CLDN14: variants seen among roughly 807,000 people sequenced by gnomAD.
CLDN14 encodes the protein claudin-14.
In CLDN14, 2 loss-of-function variants were observed where a neutral mutation model predicts 2.1. The ratio of observed to expected loss-of-function variants is 0.96; its 90% confidence interval spans 0.39 to 3.01. The LOEUF is 3.01. Among genes scored for constraint, CLDN14 ranks in the 30% most tolerant of loss-of-function variants. The probability of loss-of-function intolerance (pLI) is 0.09; values close to 1 mark genes in which losing one functional copy is unlikely to be tolerated. For missense variants in CLDN14, 298 were observed against 328.0 expected (o/e 0.91, Z 0.71); for synonymous variants, 136 against 154.4 (o/e 0.88, Z 0.88).
intron 1 of CLDN14, among the ~76,000 whole-genome samples, chr21:36,516,142 C>G (rs894391418): frequency 1.2e-3 from 183 of 152,056 alleles, no homozygotes; most frequent in African/African-American, 4.0e-3. Context: ...AGCATTTTCA[C>G]CAGGGAGTTT....
Position 36,473,198 on chromosome 21 carries a change from C to G in CLDN14, c.-82+6297G>C, listed in dbSNP as rs529797944. On this transcript the variant is annotated intron_variant, in intron 1 of 1. Coordinates refer to ENST00000399135, the MANE Select transcript of CLDN14 (RefSeq NM_001146079.2). The stretch of plus-strand genomic sequence containing the variant: ...TCTCAGGCTCAAGTGATCCTCCCAC[C>G]TCAGCTTCCTGAGTAGCTGGGACTA... Among the ~76,000 whole-genome samples, 40 of 152,268 alleles carry G rather than the reference C, an allele frequency of 2.6e-4. 1 individual carries two copies. In the South Asian group the frequency reaches 8.1e-3, roughly 31 times the overall value.
At chr21:36,465,311 G>A (rs1251823093) in intron 1 of CLDN14, among the ~76,000 whole-genome samples, 3 of 152,246 alleles carry the variant, frequency 2.0e-5, no homozygotes, top group Non-Finnish European at 4.4e-5. Flanking sequence ...ATTAGGCTAG[G>A]CAAGTGGACC....
At chr21:36,469,033 T>C (rs1407680879) in intron 1 of CLDN14, among the ~76,000 whole-genome samples, 1 of 152,206 alleles carries the variant, frequency 6.6e-6, no homozygotes, top group Non-Finnish European at 1.5e-5. Flanking sequence ...GTGCTAGGAT[T>C]ACAGGTGTGA....
At chr21:36,500,816 C>T (rs796891283) in intron 2 of CLDN14, among the ~76,000 whole-genome samples, 40 of 152,276 alleles carry the variant, frequency 2.6e-4, no homozygotes, top group African/African-American at 5.1e-4. Context: ...AGGAAGTTGC[C>T]GATTCTTTCT....
chr21:36,549,296 T>TCC (rs567732931), intron 1 of CLDN14, among the ~76,000 whole-genome samples: 82 of 151,862 alleles, frequency 5.4e-4, no homozygotes, highest in African/African-American at 1.9e-3. Context: ...TCTCTCTCTC[T>TCC]CCTCCCCACC....
At chr21:36,520,904 G>A (rs1365183560) in intron 1 of CLDN14, among the ~76,000 whole-genome samples, 1 of 152,042 alleles carries the variant, frequency 6.6e-6, no homozygotes. Flanking sequence ...CGCTCCCCAT[G>A]GACTGGGCTC....
chr21:36,494,213 C>T (rs1039811020), intron 2 of CLDN14, among the ~76,000 whole-genome samples: 3 of 152,206 alleles, frequency 2.0e-5, no homozygotes, highest in East Asian at 1.9e-4. Flanking sequence ...GCACACTGGT[C>T]GCCATGTAGG....
intron 1 of CLDN14, among the ~76,000 whole-genome samples, chr21:36,534,748 C>G (rs2087410879): frequency 1.3e-5 from 2 of 152,212 alleles, no homozygotes. Flanking sequence ...CCACCCAGCT[C>G]TGGGTTCAAT....
intron 1 of CLDN14, among the ~76,000 whole-genome samples, chr21:36,464,093 C>T (rs1005475916): frequency 1.3e-5 from 2 of 152,110 alleles, no homozygotes; most frequent in African/African-American, 4.8e-5. Context: ...GGGTGGACCT[C>T]CCCCTTGCTC....
At chr21:36,462,875 G>A (rs141254132) in intron 1 of CLDN14, among the ~76,000 whole-genome samples, 1 of 117,466 alleles carries the variant, frequency 8.5e-6, no homozygotes. Context: ...CCGAGATCGC[G>A]CCACTGCACT....
chr21:36,567,925 C>T (rs542887034), intron 1 of CLDN14, among the ~76,000 whole-genome samples: 1 of 152,184 alleles, frequency 6.6e-6, no homozygotes, highest in Non-Finnish European at 1.5e-5. Context: ...GACGTTTAAC[C>T]TACTATATGA....
At chr21:36,525,405 T>C (rs959577597) in intron 1 of CLDN14, among the ~76,000 whole-genome samples, 1 of 145,420 alleles carries the variant, frequency 6.9e-6, no homozygotes, top group Non-Finnish European at 1.5e-5. Context: ...AAAAAAGAAA[T>C]AAAGACTTGA....
At chr21:36,553,241 T>A (rs1211203159) in intron 1 of CLDN14, among the ~76,000 whole-genome samples, 1 of 152,194 alleles carries the variant, frequency 6.6e-6, no homozygotes, top group East Asian at 1.9e-4. Context: ...TCTGCTATAG[T>A]CTTACCTCTG....
At chr21:36,464,443 C>A (rs909548022) in intron 1 of CLDN14, among the ~76,000 whole-genome samples, 12 of 152,346 alleles carry the variant, frequency 7.9e-5, no homozygotes, top group African/African-American at 2.9e-4. Context: ...CAGAATTTGC[C>A]ACACGCACTA....
chr21:36,535,325 G>A lies in CLDN14; in HGVS notation c.-219-24825C>T, dbSNP rs574368783. 4.3e-4 allele frequency among the ~76,000 whole-genome samples: 65 copies of A among 152,322 alleles called. 1 individual carries two copies. In the South Asian group the frequency reaches 0.013, roughly 31 times the overall value. On this transcript the variant is annotated intron_variant, in intron 1 of 2. Coordinates refer to the CLDN14 transcript ENST00000342108. ...GAATCACTTGAACCTGGGAGGTGGA[G>A]GTTGTGGTGGGCTGAAATTGCACCA...
rs1568854952 is a variant in CLDN14 at position 36,488,276 on chromosome 21, T to TTCC, written c.-82+22086_-82+22087insGGA. 1.2e-3 allele frequency among the ~76,000 whole-genome samples: 184 copies of TTCC among 150,390 alleles called. 1 individual carries two copies. The highest frequency in any genetic ancestry group is 4.3e-3 in the African/African-American group (176 of 40,556). On this transcript the variant is annotated intron_variant, in intron 2 of 2. Transcript: ENST00000342108. ...TTCCTTCCTTCCTTCCTTCCTTCCC[T>TTCC]CTCTCTTTCTTTTTGAGACAGAGTC...
intron 1 of CLDN14, among the ~76,000 whole-genome samples, chr21:36,557,844 A>C (rs555376455): frequency 1.3e-5 from 2 of 152,188 alleles, no homozygotes; most frequent in Non-Finnish European, 2.9e-5. Flanking sequence ...TGGTTGTCAT[A>C]TCCAAAAAAT....
intron 1 of CLDN14, among the ~76,000 whole-genome samples, chr21:36,469,175 T>A (rs979931056): frequency 6.6e-6 from 1 of 152,214 alleles, no homozygotes; most frequent in African/African-American, 2.4e-5. Flanking sequence ...TTTTAGCACA[T>A]CTTCTTACAG....
intron 1 of CLDN14, among the ~76,000 whole-genome samples, chr21:36,512,568 C>T (rs1568864917): frequency 6.6e-6 from 1 of 152,152 alleles, no homozygotes; most frequent in Admixed American, 6.5e-5. Flanking sequence ...CAGCCATTAA[C>T]ATGGATGAAT....
Sources: gnomAD v4.1 joint callset for allele counts (sites outside exome capture counted in the v4.1 genomes callset) on GRCh38, gnomAD v4.1.1 for gene constraint, MANE v1.5 for transcripts, NCBI Gene and HGNC (gene_info 2026-07-23, HGNC 2026-07-21) for gene names.